The following TMEM131 variants were observed in gnomAD, a reference collection of about 807,000 sequenced individuals.
The protein encoded by TMEM131 is 2610524E03Rik.
TMEM131 carries 66 observed loss-of-function variants against 211.6 expected under a neutral mutation model. The observed-to-expected ratio is 0.31, with a 90% CI of 0.26 to 0.38. The LOEUF (loss-of-function observed/expected upper bound fraction) is 0.38, where lower values mean the gene tolerates loss of function less well. Ranked by LOEUF, TMEM131 falls within the 10% of genes least tolerant of loss-of-function variation. TMEM131 has a pLI of 1.00. For synonymous variants in TMEM131, 844 were observed against 841.3 expected, an observed-to-expected ratio of 1.00 and a Z score of -0.06; for missense variants, 2,036 against 2,299.3, an observed-to-expected ratio of 0.89 and a Z score of 2.34.
intron 5 of TMEM131, among the ~76,000 whole-genome samples, chr2:97,854,868 T>C (rs958538955): frequency 6.6e-6 from 1 of 152,208 alleles, no homozygotes; most frequent in African/African-American, 2.4e-5. Flanking sequence ...TTTGTTCAAA[T>C]GTCACCTTCT....
At chr2:97,985,624 C>A (rs1352963468) in intron 1 of TMEM131, among the ~76,000 whole-genome samples, 1 of 151,054 alleles carries the variant, frequency 6.6e-6, no homozygotes, top group African/African-American at 2.4e-5. Flanking sequence ...TATAAATAAG[C>A]TATATTACCT....
intron 5 of TMEM131, among the ~76,000 whole-genome samples, chr2:97,858,495 C>A (rs1573468990): frequency 1.3e-5 from 2 of 152,224 alleles, no homozygotes; most frequent in East Asian, 3.9e-4. Flanking sequence ...AGACTTTATA[C>A]CCTAATCTCT....
In TMEM131 at chr2:97,811,149, G is replaced by T. The variant is rs750449918; in HGVS notation, c.1947C>A (p.Ile649=). The change falls in exon 18 of 41, where the codon ATC becomes ATA. Residue 649 remains isoleucine, a synonymous_variant. Coordinates refer to ENST00000186436, the MANE Select transcript of TMEM131 (RefSeq NM_015348.2). ...TTACCTCATAGTCTGTTGTGATCTG[G>T]ATGGCTCCATCATGAATCCCCTCTA... The part of the protein sequence containing the change: ...KKLEGIHDGA[I]QITTDYEILT... 1 of 1,613,526 alleles carries T rather than the reference G, an allele frequency of 6.2e-7. No homozygotes were observed. Among genetic ancestry groups the T allele is most frequent in the Non-Finnish European group, 8.5e-7 (1 of 1,179,530 alleles).
At chr2:97,827,068 C>CACA (rs1682426434) in intron 11 of TMEM131, among the ~76,000 whole-genome samples, 1 of 93,684 alleles carries the variant, frequency 1.1e-5, no homozygotes, top group Non-Finnish European at 2.2e-5. Context: ...AAGTGATAAG[C>CACA]AAAAAAAAAA....
At chr2:97,764,866 C>A (rs1215531077) in intron 35 of TMEM131, 1 of 152,286 alleles carries the variant, frequency 6.6e-6, no homozygotes, top group African/African-American at 2.4e-5. Context: ...TGGCTGTCAC[C>A]TGCTCTCCCG....
intron 35 of TMEM131, among the ~76,000 whole-genome samples, chr2:97,765,774 C>T (rs543771164): frequency 2.0e-5 from 3 of 152,204 alleles, no homozygotes; most frequent in Admixed American, 2.0e-4. Flanking sequence ...TAAGTCAATA[C>T]TTGTATAAGG....
chr2:97,939,654 A>T (rs761585585), intron 1 of TMEM131, among the ~76,000 whole-genome samples: 2 of 152,224 alleles, frequency 1.3e-5, no homozygotes, highest in Non-Finnish European at 2.9e-5. Context: ...AAAAAGAGGG[A>T]ATCCTCCCTA....
chr2:97,961,724 C>G (rs183679867), intron 1 of TMEM131, among the ~76,000 whole-genome samples: 12 of 152,250 alleles, frequency 7.9e-5, no homozygotes, highest in Non-Finnish European at 1.5e-5. Flanking sequence ...AAAACAGACA[C>G]GCAAATACAT....
chr2:97,960,484 A>G lies in TMEM131; in HGVS notation c.188-32997T>C, dbSNP rs193268835. Among the ~76,000 whole-genome samples, 15 of 152,088 alleles carry G rather than the reference A, an allele frequency of 9.9e-5. 1 individual carries two copies. The East Asian group carries it at 2.7e-3, about 27-fold the overall frequency. ...TTCAAGCCAGTTTTTGTGTTGTTCTAACTTGTTTCCATTAGTCCTGGAGCA... is the reference window on the plus strand; with the variant it reads ...TTCAAGCCAGTTTTTGTGTTGTTCTGACTTGTTTCCATTAGTCCTGGAGCA... On this transcript the variant is annotated intron_variant, in intron 1 of 40. Coordinates refer to ENST00000186436, the MANE Select transcript of TMEM131 (RefSeq NM_015348.2).
At chr2:97,831,664 CTTT>C (rs11378393) in intron 11 of TMEM131, among the ~76,000 whole-genome samples, 2,293 of 80,286 alleles carry the variant, frequency 0.029, 17 homozygotes, top group African/African-American at 0.1. Flanking sequence ...TCACATACCT[CTTT>C]TTTTTTTTTT....
intron 1 of TMEM131, among the ~76,000 whole-genome samples, chr2:97,995,173 C>T (rs1195720200): frequency 6.6e-6 from 1 of 152,264 alleles, no homozygotes; most frequent in Non-Finnish European, 1.5e-5. Flanking sequence ...TACCTATTCG[C>T]CGCAATAAAG....
intron 1 of TMEM131, among the ~76,000 whole-genome samples, chr2:97,947,975 C>T (rs1678121818): frequency 6.6e-6 from 1 of 151,942 alleles, no homozygotes; most frequent in Admixed American, 6.6e-5. Flanking sequence ...AAATGAATAG[C>T]CACATGGGAA....
intron 11 of TMEM131, among the ~76,000 whole-genome samples, chr2:97,824,329 C>T (rs112720828): frequency 6.6e-6 from 1 of 152,108 alleles, no homozygotes; most frequent in Admixed American, 6.5e-5. Context: ...GCTCTGGGTA[C>T]GTTTAACCAT....
chr2:97,763,303 A>C (rs1399280052), intron 35 of TMEM131: 1 of 152,468 alleles, frequency 6.6e-6, no homozygotes, highest in South Asian at 2.1e-4. Flanking sequence ...CTGCCGAGCA[A>C]AGCAGCCTTC....
intron 5 of TMEM131, among the ~76,000 whole-genome samples, chr2:97,845,270 A>G (rs998412930): frequency 3.2e-4 from 48 of 152,056 alleles, no homozygotes; most frequent in African/African-American, 9.7e-5. Context: ...AGAGAAGGGA[A>G]GAAGATGAGG....
intron 2 of TMEM131, among the ~76,000 whole-genome samples, chr2:97,922,543 T>C (rs1676787749): frequency 6.6e-6 from 1 of 152,074 alleles, no homozygotes; most frequent in South Asian, 2.1e-4. Flanking sequence ...GCAATGAAAC[T>C]GAAGTAACTA....
chr2:97,932,845 G>A (rs1014171816), intron 1 of TMEM131, among the ~76,000 whole-genome samples: 1 of 146,996 alleles, frequency 6.8e-6, no homozygotes, highest in African/African-American at 2.6e-5. Flanking sequence ...AACCTAAATA[G>A]GCTGACTGTT....
At chr2:97,973,473 C>G (rs1389953801) in intron 1 of TMEM131, among the ~76,000 whole-genome samples, 1 of 151,888 alleles carries the variant, frequency 6.6e-6, no homozygotes, top group Admixed American at 6.6e-5. Context: ...GGTGGATTTT[C>G]CAAATTGATG....
intron 1 of TMEM131, among the ~76,000 whole-genome samples, chr2:97,988,885 G>A (rs1573660184): frequency 6.6e-6 from 1 of 152,160 alleles, no homozygotes; most frequent in African/African-American, 2.4e-5. Flanking sequence ...ACTATCACAT[G>A]ATCCAGAAAT....
Sources: gnomAD v4.1 joint callset for allele counts (sites outside exome capture counted in the v4.1 genomes callset) on GRCh38, gnomAD v4.1.1 for gene constraint, MANE v1.5 for transcripts, NCBI Gene and HGNC (gene_info 2026-07-23, HGNC 2026-07-21) for gene names.